DNM3: variants seen among roughly 807,000 people sequenced by gnomAD.
DNM3 encodes dynamin-3.
Under a neutral mutation model 101.6 loss-of-function variants are expected in DNM3, and 47 were observed. The observed-to-expected ratio is 0.46, with a 90% CI of 0.37 to 0.59. The LOEUF is 0.59. Among genes scored for constraint, DNM3 ranks in the 20% least tolerant of loss-of-function variants. The pLI is 0.00. For synonymous variants in DNM3, 385 were observed against 387.9 expected, an observed-to-expected ratio of 0.99 and a Z score of 0.09; for missense variants, 849 against 1,085.7, an observed-to-expected ratio of 0.78 and a Z score of 3.06.
intron 13 of DNM3, among the ~76,000 whole-genome samples, chr1:172,114,259 G>C (rs1220840109): frequency 2.0e-5 from 3 of 152,206 alleles, no homozygotes; most frequent in Middle Eastern, 3.2e-3. Context: ...TCAGAAGGTA[G>C]AGTCTTGCCA....
At chr1:172,013,617 T>C (rs2047263719) in intron 4 of DNM3, among the ~76,000 whole-genome samples, 1 of 152,066 alleles carries the variant, frequency 6.6e-6, no homozygotes, top group African/African-American at 2.4e-5. Context: ...GAAAGGGCTC[T>C]GAGTTATGCT....
rs3980440 is a variant in DNM3, at chr1:172,164,232, C to CTTTTTTTTTTTTT, written c.1659+32947_1659+32959dup. Among the ~76,000 whole-genome samples the CTTTTTTTTTTTTT allele has an allele frequency of 3.5e-4, 44 of 126,602 alleles. 1 individual carries two copies. Among genetic ancestry groups the CTTTTTTTTTTTTT allele is most frequent in the Non-Finnish European group, 5.0e-4 (31 of 61,970 alleles). 83.1% of individuals were successfully genotyped at this position (126,602 alleles called of 152,430 possible). A position where few individuals can be genotyped will look rare whatever the true frequency, so the allele number is the denominator to read the frequency against. On this transcript the variant is annotated intron_variant, in intron 14 of 20. Coordinates refer to ENST00000627582, the MANE Select transcript of DNM3 (RefSeq NM_015569.5). ...TTCTCTCTCTATTTTCTTTTCTTTTCTTTTTTTTTTTTTTTGAGGCCTTAC... is the reference window on the plus strand; with the variant it reads ...TTCTCTCTCTATTTTCTTTTCTTTTCTTTTTTTTTTTTTTTTTTTTTTTTTTTTGAGGCCTTAC...
intron 4 of DNM3, among the ~76,000 whole-genome samples, chr1:172,013,281 T>G (rs2125715635): frequency 6.6e-6 from 1 of 152,140 alleles, no homozygotes; most frequent in Middle Eastern, 3.4e-3. Context: ...ATGTCAGTGT[T>G]TTTATAGGAA....
intron 6 of DNM3, among the ~76,000 whole-genome samples, chr1:172,036,203 T>C (rs1024034644): frequency 4.7e-4 from 63 of 133,316 alleles, no homozygotes; most frequent in Middle Eastern, 4.1e-3. Flanking sequence ...CCAATTCCTG[T>C]GTCCATGTGT....
intron 20 of DNM3, chr1:172,393,548 C>G (rs1020487985): frequency 6.6e-6 from 1 of 152,624 alleles, no homozygotes; most frequent in African/African-American, 2.4e-5. Flanking sequence ...TGTCTGATTC[C>G]CCTGCAGTCA....
chr1:172,201,377 C>T (rs901765677), intron 14 of DNM3, among the ~76,000 whole-genome samples: 3 of 152,152 alleles, frequency 2.0e-5, no homozygotes, highest in Non-Finnish European at 4.4e-5. Context: ...CTGTGTTTAT[C>T]TTTCTTCCCC....
intron 10 of DNM3, among the ~76,000 whole-genome samples, chr1:172,054,633 G>A (rs2050446268): frequency 6.6e-6 from 1 of 151,876 alleles, no homozygotes; most frequent in Non-Finnish European, 1.5e-5. Flanking sequence ...GTTTTGCAAG[G>A]AGAAAAAAAA....
intron 16 of DNM3, among the ~76,000 whole-genome samples, chr1:172,311,560 C>T (rs892490903): frequency 9.2e-5 from 14 of 152,236 alleles, no homozygotes; most frequent in Admixed American, 8.5e-4. Context: ...CGTCCCACCG[C>T]ACTCCAGCCT....
chr1:172,102,844 A>C (rs2054748002), intron 13 of DNM3, among the ~76,000 whole-genome samples: 1 of 152,114 alleles, frequency 6.6e-6, no homozygotes, highest in Non-Finnish European at 1.5e-5. Flanking sequence ...GATTCCAAGT[A>C]AGCAAATGCC....
At chr1:172,330,606 A>G (rs2066140709) in intron 17 of DNM3, among the ~76,000 whole-genome samples, 1 of 152,150 alleles carries the variant, frequency 6.6e-6, no homozygotes. Context: ...AGCATGAGCA[A>G]TATTAATTTG....
At chr1:172,188,042 C>G (rs1288553823) in intron 14 of DNM3, among the ~76,000 whole-genome samples, 6 of 151,962 alleles carry the variant, frequency 3.9e-5, no homozygotes, top group Admixed American at 3.9e-4. Context: ...GAACAAAACT[C>G]AATAAAAAAT....
At position 171,957,199 on chromosome 1, in the gene DNM3, C is replaced by CTT. The variant is rs377678762; in HGVS notation, c.236-30442_236-30441dup. 5.3e-3 allele frequency among the ~76,000 whole-genome samples: 736 copies of CTT among 138,330 alleles called. 2 individuals carry two copies. Among genetic ancestry groups the CTT allele is most frequent in the Middle Eastern group, 0.047 (12 of 258 alleles). The allele number at this position is 138,330 out of a possible 152,430, so 90.7% of individuals were successfully genotyped here. On this transcript the variant is annotated intron_variant, in intron 2 of 20. Coordinates refer to ENST00000627582, the MANE Select transcript of DNM3 (RefSeq NM_015569.5). The stretch of plus-strand genomic sequence containing the variant: ...GTGTTTTTCTTTTCTTTCTTTCTTT[C>CTT]TTTTTTTTTTTTTTTTGAGACGGAG...
chr1:172,022,892 A>T (rs576924652), intron 4 of DNM3, among the ~76,000 whole-genome samples: 2 of 152,270 alleles, frequency 1.3e-5, no homozygotes. Context: ...CTACTAAAAG[A>T]ATCATATTTT....
chr1:172,179,948 G>A (rs1344967537), intron 14 of DNM3, among the ~76,000 whole-genome samples: 1 of 151,958 alleles, frequency 6.6e-6, no homozygotes, highest in Non-Finnish European at 1.5e-5. Context: ...AGCTCAGGTG[G>A]TGAAAATCAA....
chr1:171,864,365 A>G (rs1211657679), intron 1 of DNM3: 1 of 152,212 alleles, frequency 6.6e-6, no homozygotes, highest in African/African-American at 2.4e-5. Context: ...AAATATGTAT[A>G]TATTCTGATC....
chr1:171,870,758 C>T (rs187481720), intron 1 of DNM3, among the ~76,000 whole-genome samples: 10 of 152,098 alleles, frequency 6.6e-5, no homozygotes, highest in Middle Eastern at 3.4e-3. Flanking sequence ...AAATAAAATG[C>T]GAAACTGAAC....
intron 4 of DNM3, among the ~76,000 whole-genome samples, chr1:172,031,502 G>A (rs992482514): frequency 4.5e-4 from 48 of 106,590 alleles, no homozygotes; most frequent in African/African-American, 1.7e-3. Flanking sequence ...AAACCACCAC[G>A]GCACTCGTAT....
At chr1:171,928,628 AG>A (rs1363641647) in intron 2 of DNM3, among the ~76,000 whole-genome samples, 1 of 152,092 alleles carries the variant, frequency 6.6e-6, no homozygotes, top group Non-Finnish European at 1.5e-5. Flanking sequence ...TAAGGCACTT[AG>A]GATCTTTGCT....
At chr1:172,323,474 G>A in intron 17 of DNM3, 134 bp downstream of exon 17, 2 of 1,062,914 alleles carry the variant, frequency 1.9e-6, no homozygotes, top group African/African-American at 3.2e-5. Flanking sequence ...TATGGGGTGT[G>A]CAAATTTGGG....
Sources: gnomAD v4.1 joint callset for allele counts (sites outside exome capture counted in the v4.1 genomes callset) on GRCh38, gnomAD v4.1.1 for gene constraint, MANE v1.5 for transcripts, NCBI Gene and HGNC (gene_info 2026-07-23, HGNC 2026-07-21) for gene names.